POLR3B: variants seen among roughly 807,000 people sequenced by gnomAD.
POLR3B encodes DNA-directed RNA polymerase III subunit RPC2.
A neutral mutation model predicts 147.4 loss-of-function variants in POLR3B; 96 were observed. That is an observed-to-expected ratio of 0.65 (90% CI 0.55 to 0.77). The LOEUF is 0.77. Ranked by LOEUF, POLR3B falls within the 30% of genes least tolerant of loss-of-function variation. The pLI, the probability that POLR3B is intolerant of heterozygous loss-of-function variation, is 0.00. For missense variants in POLR3B, 1,036 were observed against 1,413.5 expected (o/e 0.73, Z 4.28); for synonymous variants, 461 against 485.9 (o/e 0.95, Z 0.67).
intron 10 of POLR3B, among the ~76,000 whole-genome samples, chr12:106,400,163 A>G (rs993816627): frequency 6.6e-6 from 1 of 152,186 alleles, no homozygotes; most frequent in Non-Finnish European, 1.5e-5. Flanking sequence ...TGGAAAACAG[A>G]AAAAGGCAGG....
chr12:106,452,326 A>C (rs1056739837), intron 19 of POLR3B, among the ~76,000 whole-genome samples: 1 of 152,240 alleles, frequency 6.6e-6, no homozygotes, highest in East Asian at 1.9e-4. Context: ...TTTTGATGTC[A>C]TAAGCACTAA....
At chr12:106,441,513 A>G (rs961268928) in intron 18 of POLR3B, among the ~76,000 whole-genome samples, 1 of 152,188 alleles carries the variant, frequency 6.6e-6, no homozygotes, top group African/African-American at 2.4e-5. Context: ...AAACAAAGAA[A>G]AGGTATAGTA....
intron 12 of POLR3B, among the ~76,000 whole-genome samples, chr12:106,411,241 C>G (rs1014384498): frequency 6.6e-6 from 1 of 152,038 alleles, no homozygotes; most frequent in African/African-American, 2.4e-5. Flanking sequence ...TGGGTTCAAG[C>G]GATTCTCCTG....
Position 106,459,362 on chromosome 12 carries a change from C to CAATA in POLR3B, c.2564_2565insAATA (p.Thr857HisfsTer12). The stretch of plus-strand genomic sequence containing the variant: ...CAGCAACCACAGTACAAAGATGTAC[C>CAATA]CATAACGTATGTATTGGTTGTGCCC... On this transcript the variant is annotated frameshift_variant, in exon 22 of 28. Transcript: ENST00000228347. LOFTEE classifies it high-confidence loss of function. The CAATA allele has an allele frequency of 6.7e-7, 1 of 1,484,580 alleles. No individual in the cohort carries two copies. Among genetic ancestry groups the CAATA allele is most frequent in the Non-Finnish European group, 9.4e-7 (1 of 1,061,842 alleles). The allele number at this position is 1,484,580 out of a possible 1,614,324, so 92.0% of individuals were successfully genotyped here.
At chr12:106,367,685 A>G (rs1192609732) in intron 4 of POLR3B, among the ~76,000 whole-genome samples, 1 of 152,166 alleles carries the variant, frequency 6.6e-6, no homozygotes, top group Non-Finnish European at 1.5e-5. Context: ...TACAGATGCC[A>G]ATATATTTTA....
In POLR3B at chr12:106,437,084, G is replaced by T. The variant is rs1173248801; in HGVS notation, c.1809G>T (p.Lys603Asn). 18 of 1,613,380 alleles carry T rather than the reference G, an allele frequency of 1.1e-5. No homozygotes were observed. Among genetic ancestry groups the T allele is most frequent in the Non-Finnish European group, 1.4e-5 (17 of 1,179,796 alleles). Residue 603 changes from lysine to asparagine, a missense_variant, in exon 17 of 28, where the codon AAG becomes AAT. Lys to Asn is a moderately conservative substitution (Grantham distance 94). Transcript: ENST00000228347. Reference protein sequence around the residue: ...CRPYIIVKKQKPAVTNKHMEE... With the variant: ...CRPYIIVKKQNPAVTNKHMEE... ...CCTACATAATTGTCAAGAAACAGAA[G>T]CCAGCAGTCACAAATAAACATATGG...
At position 106,457,138 on chromosome 12, in the gene POLR3B, G is replaced by T. The variant is rs770703901; in HGVS notation, c.2294G>T (p.Gly765Val). ...AATGCCCATCTTGGTTTCATTTTAG[G>T]CTTTGGGCGTTGCCTTGTATATAAA... ...LVLNKASLDR[G>V]FGRCLVYKNA... Residue 765 changes from glycine (G) to valine (V), a missense_variant and splice_region_variant, in exon 21 of 28, where the codon GGC (glycine) becomes GTC (valine). Coordinates refer to ENST00000228347, the MANE Select transcript of POLR3B (RefSeq NM_018082.6). The T allele has an allele frequency of 6.2e-7, 1 of 1,612,648 alleles. No individual in the cohort carries two copies. The highest frequency in any genetic ancestry group is 8.5e-7 in the Non-Finnish European group (1 of 1,178,916).
chr12:106,426,611 G>C (rs1232927776), intron 12 of POLR3B, among the ~76,000 whole-genome samples: 1 of 151,982 alleles, frequency 6.6e-6, no homozygotes, highest in Non-Finnish European at 1.5e-5. Context: ...CACCACGCCC[G>C]GGTGCAATTT....
At chr12:106,364,685 G>A (rs1335786991) in intron 2 of POLR3B, among the ~76,000 whole-genome samples, 1 of 152,230 alleles carries the variant, frequency 6.6e-6, no homozygotes, top group African/African-American at 2.4e-5. Context: ...TAATAGCCAA[G>A]AGTGGAAACA....
chr12:106,366,455 A>G, intron 2 of POLR3B, 61 bp from the exon 3 acceptor site: 1 of 1,021,742 alleles, frequency 9.8e-7, no homozygotes, highest in East Asian at 2.4e-5. Flanking sequence ...TTATTTGAGC[A>G]TATCATCAGT....
intron 12 of POLR3B, among the ~76,000 whole-genome samples, chr12:106,413,737 A>G (rs1042719700): frequency 1.3e-5 from 2 of 151,824 alleles, no homozygotes; most frequent in African/African-American, 2.4e-5. Context: ...CTCAGCTATT[A>G]TCTCTTCAAG....
At chr12:106,402,386 C>T (rs1433841699) in intron 10 of POLR3B, among the ~76,000 whole-genome samples, 1 of 152,100 alleles carries the variant, frequency 6.6e-6, no homozygotes, top group African/African-American at 2.4e-5. Flanking sequence ...CCATACTGCC[C>T]AAGGTAATTT....
intron 1 of POLR3B, 114 bp downstream of exon 1, chr12:106,358,065 G>C: frequency 6.5e-7 from 1 of 1,548,180 alleles, no homozygotes; most frequent in South Asian, 1.2e-5. Context: ...GCATGCGCCG[G>C]GCTTCTGCGC....
chr12:106,450,658 C>T (rs1377251395), intron 19 of POLR3B, among the ~76,000 whole-genome samples: 4 of 152,122 alleles, frequency 2.6e-5, no homozygotes, highest in Non-Finnish European at 5.9e-5. Context: ...TACTACTACA[C>T]ACTCAGAATG....
intron 27 of POLR3B, among the ~76,000 whole-genome samples, 172 bp from the exon 28 acceptor site, chr12:106,509,247 CT>C (rs1046705982): frequency 6.6e-5 from 10 of 152,108 alleles, no homozygotes; most frequent in African/African-American, 2.2e-4. Context: ...TTGGATGTTT[CT>C]TTTTTTCTGG....
At chr12:106,489,624 GT>G (rs1391069979) in intron 23 of POLR3B, among the ~76,000 whole-genome samples, 1 of 152,184 alleles carries the variant, frequency 6.6e-6, no homozygotes, top group Non-Finnish European at 1.5e-5. Context: ...TAATTCATGT[GT>G]GATAGAAAAG....
chr12:106,363,527 G>A (rs1230484634), intron 1 of POLR3B, among the ~76,000 whole-genome samples: 1 of 152,210 alleles, frequency 6.6e-6, no homozygotes, highest in Admixed American at 6.5e-5. Context: ...TTGAGACCCA[G>A]CTCTCCCACC....
Position 106,457,129 on chromosome 12 carries a change from T to C in POLR3B, c.2294-9T>C. ...GGTGGTTCTAATGCCCATCTTGGTT[T>C]CATTTTAGGCTTTGGGCGTTGCCTT... On this transcript the variant is annotated splice_polypyrimidine_tract_variant and intron_variant, in intron 20 of 27. Transcript: ENST00000228347. 1 of 1,612,046 alleles carries C rather than the reference T, an allele frequency of 6.2e-7. No individual in the cohort carries two copies. The highest frequency in any genetic ancestry group is 8.5e-7 in the Non-Finnish European group (1 of 1,178,278).
intron 19 of POLR3B, among the ~76,000 whole-genome samples, chr12:106,449,440 TGTGTATAA>T (rs2037769594): frequency 6.6e-6 from 1 of 152,196 alleles, no homozygotes; most frequent in Non-Finnish European, 1.5e-5. Context: ...GTTGAAAATC[TGTGTATAA>T]CTTTTGACTC....
Sources: allele counts gnomAD v4.1 joint callset (sites outside exome capture counted in the v4.1 genomes callset), GRCh38; gene constraint gnomAD v4.1.1; transcripts MANE v1.5; gene names NCBI Gene and HGNC (gene_info 2026-07-23, HGNC 2026-07-21).